CNTN6: variants seen among roughly 807,000 people sequenced by gnomAD.
CNTN6 encodes contactin-6.
CNTN6 carries 137 observed loss-of-function variants against 122.8 expected under a neutral mutation model. That is an observed-to-expected ratio of 1.12 (90% confidence interval 0.97 to 1.29). CNTN6 has a LOEUF of 1.29. Among genes scored for constraint, CNTN6 ranks in the 50% most tolerant of loss-of-function variants. The probability of loss-of-function intolerance (pLI) is 0.00; values close to 1 mark genes in which losing one functional copy is unlikely to be tolerated. For synonymous variants in CNTN6, 570 were observed against 426.0 expected, an observed-to-expected ratio of 1.34 and a Z score of -4.16; for missense variants, 1,634 against 1,223.4, an observed-to-expected ratio of 1.34 and a Z score of -5.01.
rs1171096767 is a variant in CNTN6, at chr3:1,245,309, T to C, written c.358+17316T>C. Among the ~76,000 whole-genome samples the C allele has an allele frequency of 2.1e-3, 30 of 14,508 alleles. 4 individuals are homozygous for C. Among genetic ancestry groups the C allele is most frequent in the African/African-American group, 5.1e-3 (18 of 3,548 alleles). 9.5% of individuals were successfully genotyped at this position (14,508 alleles called of 152,430 possible). ...TATATATATAACATATATATATATA[T>C]ATATATATATATATATATATATATA... On this transcript the variant is annotated intron_variant, in intron 4 of 22. Transcript: ENST00000446702.
rs571498540 is a variant in CNTN6, at chr3:1,288,091, C to T, written c.455-7510C>T. ...AGTTTTGGGGTTTGCCTTGAGACAG[C>T]TGTGTTTTCGTTCCTTCTCCAAGTA... On this transcript the variant is annotated intron_variant, in intron 5 of 22. Transcript: ENST00000446702. Among the ~76,000 whole-genome samples the T allele has an allele frequency of 3.9e-5, 6 of 152,264 alleles. No homozygotes were observed. In the South Asian group the frequency reaches 1.2e-3, roughly 32 times the overall value.
intron 11 of CNTN6, among the ~76,000 whole-genome samples, chr3:1,346,203 G>A (rs1704665829): frequency 6.6e-6 from 1 of 152,260 alleles, no homozygotes. Flanking sequence ...GGATGTGAAT[G>A]TTAATCTCTA....
chr3:1,257,578 T>A (rs1485672522), intron 4 of CNTN6, among the ~76,000 whole-genome samples: 3 of 152,126 alleles, frequency 2.0e-5, no homozygotes, highest in African/African-American at 7.2e-5. Flanking sequence ...CCAATTCCAT[T>A]TAATAAGTAG....
intron 5 of CNTN6, among the ~76,000 whole-genome samples, chr3:1,292,482 C>G (rs1052246662): frequency 3.9e-5 from 6 of 152,070 alleles, no homozygotes; most frequent in African/African-American, 1.4e-4. Flanking sequence ...GTCGAAAACA[C>G]AGATCCCATG....
At chr3:1,102,222 G>A (rs918983784) in intron 1 of CNTN6, among the ~76,000 whole-genome samples, 2 of 152,118 alleles carry the variant, frequency 1.3e-5, no homozygotes, top group East Asian at 3.9e-4. Flanking sequence ...TGTCTAATGT[G>A]GTTGTGTAAG....
chr3:1,244,777 A>G (rs1363967693), intron 4 of CNTN6, among the ~76,000 whole-genome samples: 1 of 151,962 alleles, frequency 6.6e-6, no homozygotes, highest in East Asian at 1.9e-4. Context: ...AAGGTGATGG[A>G]AAATTACAGT....
At chr3:1,131,895 TG>T (rs1366213290) in intron 1 of CNTN6, among the ~76,000 whole-genome samples, 1 of 152,004 alleles carries the variant, frequency 6.6e-6, no homozygotes, top group African/African-American at 2.4e-5. Context: ...TTGGCATTCA[TG>T]AGAAAATTCA....
intron 11 of CNTN6, among the ~76,000 whole-genome samples, chr3:1,346,491 A>G (rs769217925): frequency 1.4e-4 from 22 of 151,982 alleles, no homozygotes; most frequent in Non-Finnish European, 2.5e-4. Flanking sequence ...AGCGTTTTAA[A>G]AGAGTCTGGC....
intron 1 of CNTN6, among the ~76,000 whole-genome samples, chr3:1,103,864 C>T (rs1407235648): frequency 1.4e-4 from 21 of 151,882 alleles, no homozygotes; most frequent in Admixed American, 1.4e-3. Context: ...GAGTATTAGC[C>T]CCCGGATGTT....
intron 1 of CNTN6, among the ~76,000 whole-genome samples, chr3:1,096,265 G>A (rs1235871047): frequency 6.6e-6 from 1 of 152,132 alleles, no homozygotes; most frequent in African/African-American, 2.4e-5. Context: ...GTGTGTGTGT[G>A]TGTGAGTGTG....
At chr3:1,225,429 C>T (rs974188161) in intron 3 of CNTN6, among the ~76,000 whole-genome samples, 1 of 152,148 alleles carries the variant, frequency 6.6e-6, no homozygotes, top group East Asian at 1.9e-4. Context: ...TTTGCTGCCG[C>T]TAAGCCAACA....
intron 2 of CNTN6, among the ~76,000 whole-genome samples, chr3:1,181,555 G>A (rs1165475080): frequency 1.3e-5 from 2 of 152,114 alleles, no homozygotes; most frequent in Admixed American, 6.6e-5. Context: ...CCTTAATTTT[G>A]AGGGTGCATC....
rs375564246 is a variant in CNTN6 at position 1,403,527 on chromosome 3, G to GA, written c.*119dup. On this transcript the variant is annotated 3_prime_UTR_variant, in exon 23 of 23. Coordinates refer to ENST00000446702, the MANE Select transcript of CNTN6 (RefSeq NM_001289080.2). ...TTCTTAATACAGACTTGTTTGCAAA[G>GA]AAAAAAAAAAGTATATTATTAAAAT... 6.2e-3 allele frequency: 2,850 copies of GA among 458,042 alleles called. No homozygotes were observed. Among genetic ancestry groups the GA allele is most frequent in the South Asian group, 0.012 (260 of 21,952 alleles). The allele number at this position is 458,042 out of a possible 1,614,324, so 28.4% of individuals were successfully genotyped here.
intron 2 of CNTN6, among the ~76,000 whole-genome samples, chr3:1,198,629 G>A (rs992498290): frequency 6.6e-6 from 1 of 151,886 alleles, no homozygotes; most frequent in African/African-American, 2.4e-5. Flanking sequence ...GGCTGAGGCA[G>A]GAGAATTGCT....
chr3:1,358,645 G>A (rs768377668), intron 12 of CNTN6, among the ~76,000 whole-genome samples: 5 of 151,916 alleles, frequency 3.3e-5, no homozygotes, highest in Non-Finnish European at 7.4e-5. Context: ...ATCAAACTTA[G>A]CCTTATCCTC....
intron 2 of CNTN6, among the ~76,000 whole-genome samples, chr3:1,148,527 T>A (rs1188328570): frequency 2.6e-5 from 4 of 152,076 alleles, no homozygotes. Context: ...GAAGAAAAGA[T>A]GATATAGAAT....
In CNTN6 at chr3:1,242,257, A is replaced by AG. The variant is rs1559584744; in HGVS notation, c.358+14268dup. On this transcript the variant is annotated intron_variant, in intron 4 of 22. Coordinates refer to ENST00000446702, the MANE Select transcript of CNTN6 (RefSeq NM_001289080.2). ...GTGAAAGCAAAGAGAGGCTGGGACG[A>AG]GGGGTGCAGGGGAATAGTGAAAAAA... Among the ~76,000 whole-genome samples the AG allele has an allele frequency of 7.2e-5, 11 of 152,234 alleles. No individual in the cohort carries two copies. In the South Asian group the frequency reaches 2.3e-3, roughly 32 times the overall value.
chr3:1,258,730 T>C (rs543822683), intron 4 of CNTN6, among the ~76,000 whole-genome samples: 54 of 152,258 alleles, frequency 3.5e-4, no homozygotes, highest in Non-Finnish European at 4.4e-5. Flanking sequence ...CCAGTTCATC[T>C]TGGCATACTT....
intron 11 of CNTN6, among the ~76,000 whole-genome samples, chr3:1,339,668 TTACTG>T (rs1448755132): frequency 6.6e-6 from 1 of 152,140 alleles, no homozygotes; most frequent in Non-Finnish European, 1.5e-5. Context: ...CGAGACTGTC[TTACTG>T]TATATTTGGT....
Sources: allele counts gnomAD v4.1 joint callset (sites outside exome capture counted in the v4.1 genomes callset), GRCh38; gene constraint gnomAD v4.1.1; transcripts MANE v1.5; gene names NCBI Gene and HGNC (gene_info 2026-07-23, HGNC 2026-07-21).